The following TMCC2 variants were observed in gnomAD, a reference collection of about 807,000 sequenced individuals.
TMCC2 encodes the protein transmembrane and coiled-coil domain family 2.
In TMCC2, 16 loss-of-function variants were observed where a neutral mutation model predicts 49.4. That is an observed-to-expected ratio of 0.32 (90% CI 0.22 to 0.49). The LOEUF (loss-of-function observed/expected upper bound fraction) is 0.49, where lower values mean the gene tolerates loss of function less well. Among genes scored for constraint, TMCC2 ranks in the 20% least tolerant of loss-of-function variants. The pLI is 0.99. For synonymous variants in TMCC2, 397 were observed against 434.1 expected (o/e 0.91, Z 1.06); for missense variants, 762 against 989.8 (o/e 0.77, Z 3.09).
At chr1:205,228,915 A>AG in intron 1 of TMCC2, 144 bp downstream of exon 1, 1 of 1,432,458 alleles carries the variant, frequency 7.0e-7, no homozygotes. Flanking sequence ...CTGGCACCCC[A>AG]GGGGGGACGT....
At chr1:205,228,918 G>A (rs1659671615) in intron 1 of TMCC2, 147 bp downstream of exon 1, 2 of 1,431,694 alleles carry the variant, frequency 1.4e-6, no homozygotes, top group East Asian at 2.5e-5. Context: ...GCACCCCAGG[G>A]GGGACGTCAG....
Position 205,241,373 on chromosome 1 carries a change from G to A in TMCC2, c.208-132G>A, listed in dbSNP as rs1186524061. 2.9e-6 allele frequency: 3 copies of A among 1,022,772 alleles called. No homozygotes were observed. The highest frequency in any genetic ancestry group is 1.6e-5 in the African/African-American group (1 of 61,508). 63.4% of individuals were successfully genotyped at this position (1,022,772 alleles called of 1,614,324 possible). On this transcript the variant is annotated intron_variant, in intron 1 of 4. Transcript: ENST00000358024. The surrounding 1 kb of genome is among the most constrained non-coding windows in gnomAD (Gnocchi z 7.3). The stretch of plus-strand genomic sequence containing the variant: ...TTATGCACGACGGGCCATCCACAGA[G>A]ATCTTCCAGGTTCAGATGGCTGCAT...
At position 205,229,581 on chromosome 1, in the gene TMCC2, A is replaced by AGGGGGGGGGG. The variant is rs1659711192; in HGVS notation, c.207+812_207+813insGGGGGGGGGG. 15 of 771,878 alleles carry AGGGGGGGGGG rather than the reference A, an allele frequency of 1.9e-5. No individual in the cohort carries two copies. In the African/African-American group the frequency reaches 2.9e-4, roughly 15 times the overall value. The allele number at this position is 771,878 out of a possible 1,614,324, so 47.8% of individuals were successfully genotyped here. On this transcript the variant is annotated intron_variant, in intron 1 of 4. Coordinates refer to ENST00000358024, the MANE Select transcript of TMCC2 (RefSeq NM_014858.4). ...GGGTGGTGGCGGGGGCGGGGGGGGA[A>AGGGGGGGGGG]GGTGGATTTCCTGCCGTTAGGTGGA...
Position 205,264,508 on chromosome 1 carries a change from G to A in TMCC2, c.748-4442G>A, listed in dbSNP as rs1010197678. Among the ~76,000 whole-genome samples, 2 of 150,424 alleles carry A rather than the reference G, an allele frequency of 1.3e-5. No individual in the cohort carries two copies. Among genetic ancestry groups the A allele is most frequent in the East Asian group, 3.9e-4 (2 of 5,152 alleles). On this transcript the variant is annotated intron_variant, in intron 2 of 4. Coordinates refer to ENST00000358024, the MANE Select transcript of TMCC2 (RefSeq NM_014858.4). The surrounding 1 kb of genome is among the most constrained non-coding windows in gnomAD (Gnocchi z 4.2). ...TAATTTTGTTTTTTTTTTTTGGGAC[G>A]GAGTCTCGCTCTGTTGCCCAGGCTG...
chr1:205,268,967 G>T lies in TMCC2; in HGVS notation c.765G>T (p.Leu255=), dbSNP rs555461151. The T allele has an allele frequency of 7.2e-5, 116 of 1,612,672 alleles. 1 individual carries two copies. The South Asian group carries it at 1.2e-3, about 17-fold the overall frequency. Reference sequence around the variant, plus strand: ...TTCCCCAGGTCGATAAGGGAGACCTGGTGGCCCTGAGCCTCCCCGCCGGCC... The same window carrying T: ...TTCCCCAGGTCGATAAGGGAGACCTTGTGGCCCTGAGCCTCCCCGCCGGCC... The part of the protein sequence containing the change: ...GIGDKVDKGD[L]VALSLPAGHG... The change falls in exon 3 of 5, where the codon CTG becomes CTT. Residue 255 remains leucine (L), a synonymous_variant. Coordinates refer to ENST00000358024, the MANE Select transcript of TMCC2 (RefSeq NM_014858.4).
chr1:205,229,553 G>GTGGT, intron 1 of TMCC2: 1 of 696,612 alleles, frequency 1.4e-6, no homozygotes, highest in South Asian at 7.2e-5. Context: ...GGCGGGGGGG[G>GTGGT]GGGGGTGGTG....
At position 205,228,757 on chromosome 1, in the gene TMCC2, C is replaced by G; in HGVS notation, c.193C>G (p.Pro65Ala). 1 of 1,606,336 alleles carries G rather than the reference C, an allele frequency of 6.2e-7. No homozygotes were observed. The highest frequency in any genetic ancestry group is 8.5e-7 in the Non-Finnish European group (1 of 1,177,390). Residue 65 changes from proline (P) to alanine (A), a missense_variant, in exon 1 of 5, where the codon CCT becomes GCT. Coordinates refer to ENST00000358024, the MANE Select transcript of TMCC2 (RefSeq NM_014858.4). ...AAPNPGPRSKPPDLKKIQQLS... is the reference protein window; with the variant it reads ...AAPNPGPRSKAPDLKKIQQLS... ...GCCCAACCCAGGTCCCCGAAGCAAG[C>G]CTCCTGATTTAAAGGTGAGCGCAGA...
At chr1:205,250,901 A>G (rs1286716807) in intron 2 of TMCC2, among the ~76,000 whole-genome samples, 1 of 152,168 alleles carries the variant, frequency 6.6e-6, no homozygotes, top group Non-Finnish European at 1.5e-5. Flanking sequence ...AGGAGCCGGC[A>G]CTGATGATGT....
At chr1:205,256,848 A>G (rs2102581979) in intron 2 of TMCC2, among the ~76,000 whole-genome samples, 1 of 152,170 alleles carries the variant, frequency 6.6e-6, no homozygotes, top group East Asian at 1.9e-4. Context: ...GCTTCTGATC[A>G]TGGGAGGCAT....
At position 205,269,385 on chromosome 1, in the gene TMCC2, A is replaced by C; in HGVS notation, c.1183A>C (p.Ile395Leu). Reference protein sequence around the residue: ...KDVGANVRAGISGFGGGVVEG... With the variant: ...KDVGANVRAGLSGFGGGVVEG... ...CGTGGGCGCCAACGTGCGCGCAGGC[A>C]TCAGCGGCTTTGGGGGCGGCGTGGT... is the stretch of plus-strand genomic sequence containing the variant. Residue 395 changes from isoleucine (I) to leucine (L), a missense_variant, in exon 3 of 5, where the codon ATC becomes CTC. Coordinates refer to ENST00000358024, the MANE Select transcript of TMCC2 (RefSeq NM_014858.4). The C allele has an allele frequency of 1.2e-6, 2 of 1,609,480 alleles. No homozygotes were observed. The highest frequency in any genetic ancestry group is 8.5e-7 in the Non-Finnish European group (1 of 1,177,128).
chr1:205,265,408 T>TAGTC (rs888498229), intron 2 of TMCC2, among the ~76,000 whole-genome samples: 12 of 152,242 alleles, frequency 7.9e-5, no homozygotes, highest in Non-Finnish European at 1.6e-4. Context: ...CACTCCTGTA[T>TAGTC]AGTCCTAAAA....
intron 2 of TMCC2, among the ~76,000 whole-genome samples, chr1:205,258,992 C>T (rs907749639): frequency 3.9e-5 from 6 of 152,202 alleles, no homozygotes; most frequent in South Asian, 4.1e-4. Flanking sequence ...CTGCCAGCCC[C>T]GGGGCCGCAC....
chr1:205,248,783 C>G (rs903765961), intron 2 of TMCC2, among the ~76,000 whole-genome samples: 1 of 151,868 alleles, frequency 6.6e-6, no homozygotes, highest in Non-Finnish European at 1.5e-5. Flanking sequence ...TTCTCCTTCT[C>G]TCATCTCTCC....
At chr1:205,230,996 A>ACCC (rs1201079316) in intron 1 of TMCC2, among the ~76,000 whole-genome samples, 9 of 2,880 alleles carry the variant, frequency 3.1e-3, no homozygotes, top group Non-Finnish European at 4.9e-3. Context: ...CCATCCCCCC[A>ACCC]TCCCCCCCCC....
intron 2 of TMCC2, among the ~76,000 whole-genome samples, chr1:205,257,765 C>G (rs1660937685): frequency 6.6e-6 from 1 of 152,114 alleles, no homozygotes; most frequent in South Asian, 2.1e-4. Flanking sequence ...GAGTGCTGAC[C>G]CCAGGGAGAC....
chr1:205,271,205 A>G lies in TMCC2; in HGVS notation c.1768A>G (p.Met590Val). The change falls in exon 4 of 5, where the codon ATG becomes GTG. Residue 590 changes from methionine (M) to valine (V), a missense_variant. Met to Val is a conservative substitution (Grantham distance 21, BLOSUM62 1). Transcript: ENST00000358024. ...GAACCTGAAGCAGGAGCTGGCCAGC[A>G]TGGAGGAGAAGGTGGCCTACCAGTC... ...MTNLKQELASMEEKVAYQSYE... is the reference protein window; with the variant it reads ...MTNLKQELASVEEKVAYQSYE... 1.2e-6 allele frequency: 2 copies of G among 1,614,186 alleles called. No individual in the cohort carries two copies. The highest frequency in any genetic ancestry group is 1.7e-6 in the Non-Finnish European group (2 of 1,180,044).
chr1:205,244,866 G>T (rs1660399113), intron 2 of TMCC2, among the ~76,000 whole-genome samples: 1 of 151,984 alleles, frequency 6.6e-6, no homozygotes, highest in Non-Finnish European at 1.5e-5. Flanking sequence ...GAGGGAGCAG[G>T]TACATTAAGA....
In TMCC2 at chr1:205,269,434, C is replaced by G; in HGVS notation, c.1232C>G (p.Ser411Cys). ...GTGGAGGGCGTCAAGGGCAGCCTCT[C>G]TGGCCTCTCACAGGCCACCCACACC... ...GVVEGVKGSL[S>C]GLSQATHTAV... The change falls in exon 3 of 5, where the codon TCT becomes TGT. Residue 411 changes from serine (S) to cysteine (C), a missense_variant. Ser to Cys is a moderately radical substitution (Grantham distance 112, BLOSUM62 -1). This residue lies in a region of TMCC2 where 440 missense variants were observed against 636.7 expected (regional missense o/e 0.69). Transcript: ENST00000358024. 6.2e-7 allele frequency: 1 copy of G among 1,606,456 alleles called. No individual in the cohort carries two copies. The highest frequency in any genetic ancestry group is 8.5e-7 in the Non-Finnish European group (1 of 1,174,840).
At chr1:205,230,375 C>A (rs1381248648) in intron 1 of TMCC2, among the ~76,000 whole-genome samples, 1 of 152,210 alleles carries the variant, frequency 6.6e-6, no homozygotes. Flanking sequence ...TAGGCTCTCT[C>A]TGCACAAGAA....
Sources: allele counts gnomAD v4.1 joint callset (sites outside exome capture counted in the v4.1 genomes callset), GRCh38; gene constraint gnomAD v4.1.1; regional missense constraint gnomAD v4.1.1; non-coding constraint Gnocchi (gnomAD v3.1); transcripts MANE v1.5; gene names NCBI Gene and HGNC (gene_info 2026-07-23, HGNC 2026-07-21).